Variants in EYS observed in about 807,000 individuals in gnomAD.
EYS encodes EGF-like photoreceptor maintenance factor, also known as protein eyes shut homolog.
EYS carries 250 observed loss-of-function variants against 282.1 expected under a neutral mutation model. The observed-to-expected ratio is 0.89, with a 90% CI of 0.80 to 0.98. The LOEUF is 0.98. Ranked by LOEUF, EYS falls within the 50% of genes least tolerant of loss-of-function variation. EYS has a pLI of 0.00. For missense variants in EYS, 4,016 were observed against 3,709.0 expected (o/e 1.08, Z -2.15); for synonymous variants, 1,355 against 1,282.9 (o/e 1.06, Z -1.20).
At position 63,720,514 on chromosome 6, in the gene EYS, C is replaced by A; in HGVS notation, c.*82G>T. On this transcript the variant is annotated 3_prime_UTR_variant, in exon 43 of 43. Transcript: ENST00000503581. ...CAGGTAATATAGTAAACAGTTGATT[C>A]CCCGTAAGCAATGTATCAAAGAAAT... 1.0e-6 allele frequency: 1 copy of A among 993,626 alleles called. No homozygotes were observed. The allele number at this position is 993,626 out of a possible 1,614,324, so 61.6% of individuals were successfully genotyped here.
At chr6:65,318,679 T>G (rs1232158828) in intron 11 of EYS, among the ~76,000 whole-genome samples, 3 of 150,232 alleles carry the variant, frequency 2.0e-5, no homozygotes, top group Non-Finnish European at 4.4e-5. Flanking sequence ...TCTCATTCCA[T>G]CACCCAGGCT....
intron 36 of EYS, among the ~76,000 whole-genome samples, chr6:63,860,848 A>C (rs1482505635): frequency 6.6e-6 from 1 of 152,154 alleles, no homozygotes; most frequent in African/African-American, 2.4e-5. Context: ...CTCCTCTACC[A>C]GATATCTAAA....
intron 19 of EYS, among the ~76,000 whole-genome samples, chr6:64,871,824 A>G (rs1173920862): frequency 6.6e-6 from 1 of 152,054 alleles, no homozygotes; most frequent in Non-Finnish European, 1.5e-5. Flanking sequence ...AGAAAATTAA[A>G]TCTCAGATGT....
At chr6:65,336,955 A>G (rs1294712389) in intron 10 of EYS, among the ~76,000 whole-genome samples, 2 of 151,452 alleles carry the variant, frequency 1.3e-5, no homozygotes, top group East Asian at 3.9e-4. Flanking sequence ...TCAAATGACA[A>G]TAGAATTTTA....
At chr6:65,402,196 T>C (rs545681669) in intron 7 of EYS, among the ~76,000 whole-genome samples, 1 of 151,950 alleles carries the variant, frequency 6.6e-6, no homozygotes, top group Admixed American at 6.6e-5. Context: ...TCAATTATTA[T>C]TTGATTATAT....
chr6:64,679,530 G>T (rs959900008), intron 22 of EYS, among the ~76,000 whole-genome samples: 3 of 151,944 alleles, frequency 2.0e-5, no homozygotes, highest in Non-Finnish European at 4.4e-5. Flanking sequence ...CTGTAGAACC[G>T]CATTTTCAGT....
At position 64,740,775 on chromosome 6, in the gene EYS, A is replaced by G. The variant is rs545868918; in HGVS notation, c.3443+72603T>C. On this transcript the variant is annotated intron_variant, in intron 22 of 42. Transcript: ENST00000503581. The stretch of plus-strand genomic sequence containing the variant: ...GTCACCCAGGCTGGAGTGCAGTGGC[A>G]TGATCTTGGCCCACTGCAAGCTCCG... Among the ~76,000 whole-genome samples the G allele has an allele frequency of 4.8e-5, 7 of 145,866 alleles. No homozygotes were observed. The South Asian group carries it at 1.5e-3, about 31-fold the overall frequency.
intron 26 of EYS, among the ~76,000 whole-genome samples, chr6:64,542,439 C>T (rs944066356): frequency 6.6e-6 from 1 of 151,996 alleles, no homozygotes; most frequent in Non-Finnish European, 1.5e-5. Flanking sequence ...TTAGCTAAGA[C>T]AAGAACTCTA....
chr6:64,518,943 C>A (rs1027987075), intron 26 of EYS, among the ~76,000 whole-genome samples: 6 of 151,790 alleles, frequency 4.0e-5, no homozygotes, highest in Non-Finnish European at 7.4e-5. Flanking sequence ...CACCCAGTCT[C>A]CAGTATGTCT....
intron 12 of EYS, among the ~76,000 whole-genome samples, chr6:65,246,085 G>T (rs950454141): frequency 2.6e-5 from 4 of 151,994 alleles, no homozygotes; most frequent in African/African-American, 9.7e-5. Context: ...TACACAAAAT[G>T]ATTTTTCTCA....
chr6:64,519,259 T>G (rs1270252071), intron 26 of EYS, among the ~76,000 whole-genome samples: 1 of 151,482 alleles, frequency 6.6e-6, no homozygotes, highest in Non-Finnish European at 1.5e-5. Flanking sequence ...GGATTATGAG[T>G]GGCCAACATC....
At chr6:64,807,526 CAT>C (rs1215583348) in intron 22 of EYS, among the ~76,000 whole-genome samples, 2 of 152,018 alleles carry the variant, frequency 1.3e-5, no homozygotes, top group Non-Finnish European at 2.9e-5. Context: ...TTTTAAATAA[CAT>C]ATATAGTTTG....
chr6:64,120,191 A>G (rs1773530947), intron 31 of EYS, among the ~76,000 whole-genome samples: 1 of 146,084 alleles, frequency 6.8e-6, no homozygotes, highest in Non-Finnish European at 1.5e-5. Flanking sequence ...ACTAAAAAAA[A>G]AAAAATTACA....
chr6:64,444,735 T>C (rs1011584595), intron 26 of EYS, among the ~76,000 whole-genome samples: 2 of 152,178 alleles, frequency 1.3e-5, no homozygotes, highest in Non-Finnish European at 2.9e-5. Flanking sequence ...TGGAGCCAAG[T>C]GGAAGGTGTT....
At chr6:65,422,005 A>G (rs1221654335) in intron 5 of EYS, among the ~76,000 whole-genome samples, 4 of 151,984 alleles carry the variant, frequency 2.6e-5, no homozygotes, top group African/African-American at 9.7e-5. Flanking sequence ...TGACAGAGAC[A>G]CAAAGTGAGC....
chr6:64,924,043 C>T (rs991071329), intron 15 of EYS, among the ~76,000 whole-genome samples: 13 of 152,188 alleles, frequency 8.5e-5, no homozygotes, highest in African/African-American at 3.1e-4. Context: ...ACTCTGACCC[C>T]ACATTTCCCT....
chr6:65,190,403 A>G (rs1765613997), intron 12 of EYS, among the ~76,000 whole-genome samples: 1 of 150,654 alleles, frequency 6.6e-6, no homozygotes, highest in South Asian at 2.1e-4. Context: ...ATTCATTGTT[A>G]TACTCATTTT....
At chr6:64,864,277 T>C (rs1354777039) in intron 19 of EYS, among the ~76,000 whole-genome samples, 36 of 152,014 alleles carry the variant, frequency 2.4e-4, no homozygotes, top group Admixed American at 2.4e-3. Flanking sequence ...ATTATATTTT[T>C]AGATTTATAT....
At chr6:64,860,099 A>G (rs1766188353) in intron 19 of EYS, among the ~76,000 whole-genome samples, 1 of 152,168 alleles carries the variant, frequency 6.6e-6, no homozygotes, top group Admixed American at 6.5e-5. Context: ...CCAGTGGTGC[A>G]TCTTATATAA....
Sources: allele counts gnomAD v4.1 joint callset (sites outside exome capture counted in the v4.1 genomes callset), GRCh38; gene constraint gnomAD v4.1.1; transcripts MANE v1.5; gene names NCBI Gene and HGNC (gene_info 2026-07-23, HGNC 2026-07-21).